ST6GALNAC5: variants seen among roughly 807,000 people sequenced by gnomAD.
ST6GALNAC5 encodes alpha-N-acetylgalactosaminide alpha-2,6-sialyltransferase 5.
A neutral mutation model predicts 33.6 loss-of-function variants in ST6GALNAC5; 27 were observed. The ratio of observed to expected loss-of-function variants is 0.80; its 90% CI spans 0.59 to 1.11. The LOEUF (loss-of-function observed/expected upper bound fraction) is 1.11. ST6GALNAC5 is among the 50% of genes least tolerant of loss of function. The pLI is 0.00. For synonymous variants in ST6GALNAC5, 194 were observed against 171.2 expected (o/e 1.13, Z -1.04); for missense variants, 428 against 454.0 (o/e 0.94, Z 0.52).
intron 2 of ST6GALNAC5, among the ~76,000 whole-genome samples, chr1:76,904,721 A>G (rs911594752): frequency 1.3e-5 from 2 of 152,116 alleles, no homozygotes; most frequent in African/African-American, 4.8e-5. Flanking sequence ...GCTACTTGGG[A>G]GGCTGAGGCA....
intron 2 of ST6GALNAC5, among the ~76,000 whole-genome samples, chr1:76,993,594 A>G (rs1345173832): frequency 1.3e-5 from 2 of 152,210 alleles, no homozygotes; most frequent in African/African-American, 4.8e-5. Flanking sequence ...TAATGACTGT[A>G]ACTACTTATC....
chr1:77,006,514 G>T (rs1650426294), intron 2 of ST6GALNAC5, among the ~76,000 whole-genome samples: 1 of 151,634 alleles, frequency 6.6e-6, no homozygotes, highest in Non-Finnish European at 1.5e-5. Flanking sequence ...GTAGAGACAG[G>T]GTTTCACCAT....
intron 2 of ST6GALNAC5, among the ~76,000 whole-genome samples, chr1:76,995,913 A>C (rs1397603718): frequency 6.6e-6 from 1 of 152,216 alleles, no homozygotes; most frequent in East Asian, 1.9e-4. Flanking sequence ...AGAGGAGATG[A>C]AAACATTTTT....
intron 2 of ST6GALNAC5, among the ~76,000 whole-genome samples, chr1:77,009,953 T>G (rs1570092442): frequency 6.6e-6 from 1 of 152,206 alleles, no homozygotes; most frequent in Non-Finnish European, 1.5e-5. Flanking sequence ...GTCAGCCTAG[T>G]GGCAATAACC....
chr1:76,911,298 T>C (rs967022802), intron 2 of ST6GALNAC5, among the ~76,000 whole-genome samples: 11 of 152,172 alleles, frequency 7.2e-5, no homozygotes, highest in African/African-American at 2.2e-4. Flanking sequence ...GAAGCCCACT[T>C]GATCATGGTG....
At chr1:76,927,076 C>T (rs922139592) in intron 2 of ST6GALNAC5, among the ~76,000 whole-genome samples, 2 of 151,898 alleles carry the variant, frequency 1.3e-5, no homozygotes, top group African/African-American at 4.8e-5. Flanking sequence ...TCAGGTATTG[C>T]AAATATTTTC....
intron 4 of ST6GALNAC5, 50 bp from the exon 5 acceptor site, chr1:77,062,925 G>A: frequency 2.0e-6 from 3 of 1,508,362 alleles, no homozygotes; most frequent in Non-Finnish European, 2.7e-6. Flanking sequence ...ATCAGTCAAA[G>A]GAAAAAAAAT....
intron 2 of ST6GALNAC5, among the ~76,000 whole-genome samples, chr1:77,034,364 A>T (rs1393347213): frequency 6.6e-6 from 1 of 151,952 alleles, no homozygotes; most frequent in Admixed American, 6.6e-5. Context: ...CGGTGACTGG[A>T]TTGAGAGCCT....
At chr1:76,882,575 T>C (rs890258545) in intron 2 of ST6GALNAC5, among the ~76,000 whole-genome samples, 5 of 152,192 alleles carry the variant, frequency 3.3e-5, no homozygotes, top group African/African-American at 1.2e-4. Context: ...TATTCACTCT[T>C]AATGGCTAAG....
At chr1:76,956,944 A>C (rs1168064887) in intron 2 of ST6GALNAC5, among the ~76,000 whole-genome samples, 2 of 151,832 alleles carry the variant, frequency 1.3e-5, no homozygotes, top group African/African-American at 4.8e-5. Context: ...TGATTGGTGT[A>C]TTTTTCTTGA....
chr1:77,038,356 C>G (rs1263391858), intron 2 of ST6GALNAC5, among the ~76,000 whole-genome samples: 1 of 152,132 alleles, frequency 6.6e-6, no homozygotes, highest in Non-Finnish European at 1.5e-5. Flanking sequence ...AGATTGACAG[C>G]TAATAAAAAG....
chr1:76,871,515 A>C (rs2100909937), intron 2 of ST6GALNAC5: 2 of 152,328 alleles, frequency 1.3e-5, no homozygotes, highest in African/African-American at 4.8e-5. Flanking sequence ...GATTAAATTC[A>C]ACAGGTGGTC....
chr1:77,050,260 A>C lies in ST6GALNAC5; in HGVS notation c.674A>C (p.Lys225Thr). 1 of 1,613,574 alleles carries C rather than the reference A, an allele frequency of 6.2e-7. No homozygotes were observed. The change falls in exon 4 of 5, where the codon AAG becomes ACG. Residue 225 changes from lysine (K) to threonine (T), a missense_variant and splice_region_variant. Coordinates refer to ENST00000477717, the MANE Select transcript of ST6GALNAC5 (RefSeq NM_030965.3). ...GACTTAATTATTGTTCCTTCCAGGAAGATATCCAACACTTGGCTCAGCACT... is the reference window on the plus strand; with the variant it reads ...GACTTAATTATTGTTCCTTCCAGGACGATATCCAACACTTGGCTCAGCACT... ...LFKQETGKDR[K>T]ISNTWLSTGW...
chr1:77,021,208 A>T (rs1310375081), intron 2 of ST6GALNAC5, among the ~76,000 whole-genome samples: 1 of 152,214 alleles, frequency 6.6e-6, no homozygotes, highest in African/African-American at 2.4e-5. Flanking sequence ...GTCTCTTTTT[A>T]AAAAAGTATT....
intron 2 of ST6GALNAC5, among the ~76,000 whole-genome samples, chr1:76,982,850 C>T (rs899474609): frequency 6.6e-6 from 1 of 150,998 alleles, no homozygotes; most frequent in Non-Finnish European, 1.5e-5. Flanking sequence ...AGAGTGGGGG[C>T]CAATATTCAA....
intron 2 of ST6GALNAC5, among the ~76,000 whole-genome samples, chr1:76,933,507 C>T (rs1647165568): frequency 1.3e-5 from 2 of 151,874 alleles, no homozygotes; most frequent in African/African-American, 2.4e-5. Context: ...AGGTGATGGA[C>T]AAAGGCTAGG....
At chr1:76,880,050 C>G (rs901300268) in intron 2 of ST6GALNAC5, among the ~76,000 whole-genome samples, 17 of 152,190 alleles carry the variant, frequency 1.1e-4, no homozygotes, top group Non-Finnish European at 2.5e-4. Context: ...GTATCTGCTT[C>G]TGAAGCCAGG....
chr1:76,966,152 G>A (rs1206119245), intron 2 of ST6GALNAC5, among the ~76,000 whole-genome samples: 1 of 152,142 alleles, frequency 6.6e-6, no homozygotes. Flanking sequence ...GTCATTGGTA[G>A]CTTAATGGGG....
chr1:77,044,660 C>A, intron 3 of ST6GALNAC5, 47 bp downstream of exon 3: 1 of 1,510,378 alleles, frequency 6.6e-7, no homozygotes, highest in South Asian at 1.3e-5. Flanking sequence ...GAGGATAAGT[C>A]ATCACTGGCT....
Sources: gnomAD v4.1 joint callset for allele counts (sites outside exome capture counted in the v4.1 genomes callset) on GRCh38, gnomAD v4.1.1 for gene constraint, MANE v1.5 for transcripts, NCBI Gene and HGNC (gene_info 2026-07-23, HGNC 2026-07-21) for gene names.